The following ADGRL2 variants were observed in gnomAD, a reference collection of about 807,000 sequenced individuals.
ADGRL2 encodes the protein calcium-independent alpha-latrotoxin receptor 2.
In ADGRL2, 44 loss-of-function variants were observed where a neutral mutation model predicts 157.4. That is an observed-to-expected ratio of 0.28 (90% CI 0.22 to 0.36). The LOEUF is 0.36. Ranked by LOEUF, ADGRL2 falls within the 10% of genes least tolerant of loss-of-function variation. The pLI is 1.00. For synonymous variants in ADGRL2, 585 were observed against 624.7 expected (o/e 0.94, Z 0.95); for missense variants, 1,510 against 1,768.9 (o/e 0.85, Z 2.63).
intron 13 of ADGRL2, among the ~76,000 whole-genome samples, chr1:81,967,423 G>A (rs1037300609): frequency 2.0e-5 from 3 of 151,984 alleles, no homozygotes; most frequent in East Asian, 3.9e-4. Context: ...CACCACGCCT[G>A]GCTAATTTTT....
At chr1:81,702,086 G>C (rs1012342814) in intron 1 of ADGRL2, among the ~76,000 whole-genome samples, 5 of 152,232 alleles carry the variant, frequency 3.3e-5, no homozygotes, top group African/African-American at 1.2e-4. Context: ...ATATGTGAAA[G>C]AGTCTATTAG....
At chr1:81,756,400 T>C (rs2085691893) in intron 1 of ADGRL2, among the ~76,000 whole-genome samples, 1 of 152,086 alleles carries the variant, frequency 6.6e-6, no homozygotes, top group South Asian at 2.1e-4. Context: ...ATTGTTGCAT[T>C]GGCCACAATA....
chr1:81,412,129 C>G (rs1042551213), intron 1 of ADGRL2, among the ~76,000 whole-genome samples: 11 of 152,046 alleles, frequency 7.2e-5, no homozygotes, highest in African/African-American at 2.7e-4. Flanking sequence ...TTACTATCCC[C>G]GGTTGAAGAA....
At chr1:81,654,848 A>G (rs1161832498) in intron 3 of ADGRL2, among the ~76,000 whole-genome samples, 1 of 152,206 alleles carries the variant, frequency 6.6e-6, no homozygotes, top group Non-Finnish European at 1.5e-5. Context: ...TACCAGTGCT[A>G]TGACAAGTGA....
intron 3 of ADGRL2, among the ~76,000 whole-genome samples, chr1:81,911,313 T>C (rs921242345): frequency 5.3e-5 from 8 of 152,008 alleles, no homozygotes; most frequent in African/African-American, 1.9e-4. Flanking sequence ...TAAAGATAAT[T>C]GTTGGGGGGG....
chr1:81,437,167 G>A (rs377749566), intron 1 of ADGRL2, among the ~76,000 whole-genome samples: 3 of 152,150 alleles, frequency 2.0e-5, no homozygotes, highest in Admixed American at 2.0e-4. Context: ...CAAAATCGCT[G>A]TTGCTGCCTC....
chr1:81,631,446 A>G (rs1468121096), intron 3 of ADGRL2, among the ~76,000 whole-genome samples: 1 of 151,710 alleles, frequency 6.6e-6, no homozygotes, highest in African/African-American at 2.4e-5. Context: ...GGAACTCCTG[A>G]CCTCAAGTAA....
chr1:81,819,053 G>A (rs991082484), intron 1 of ADGRL2, among the ~76,000 whole-genome samples: 1 of 152,100 alleles, frequency 6.6e-6, no homozygotes, highest in African/African-American at 2.4e-5. Flanking sequence ...TCTCTTGTAG[G>A]CCACAAAATG....
At chr1:81,453,447 C>T (rs1357076465) in intron 2 of ADGRL2, among the ~76,000 whole-genome samples, 1 of 152,054 alleles carries the variant, frequency 6.6e-6, no homozygotes, top group African/African-American at 2.4e-5. Flanking sequence ...GATTATGAGC[C>T]TGACCTTCCA....
intron 2 of ADGRL2, among the ~76,000 whole-genome samples, chr1:81,485,455 C>G (rs2078480120): frequency 6.6e-6 from 1 of 152,042 alleles, no homozygotes; most frequent in African/African-American, 2.4e-5. Context: ...TGAAGTGTAT[C>G]TGATATTAAA....
chr1:81,727,384 T>C, intron 1 of ADGRL2, among the ~76,000 whole-genome samples: 1 of 152,196 alleles, frequency 6.6e-6, no homozygotes, highest in East Asian at 1.9e-4. Flanking sequence ...TGTATATTAG[T>C]ACTTATATTT....
At chr1:81,696,788 G>A (rs2083456051), upstream of ADGRL2, among the ~76,000 whole-genome samples, 1 of 152,028 alleles carries the variant, frequency 6.6e-6, no homozygotes, top group Admixed American at 6.6e-5. Context: ...AAAATAGAGA[G>A]GAGTTGATGT....
chr1:81,912,073 A>AT (rs1005856998), intron 3 of ADGRL2, among the ~76,000 whole-genome samples: 2 of 149,030 alleles, frequency 1.3e-5, no homozygotes, highest in Admixed American at 6.7e-5. Context: ...ATTTTTTTTT[A>AT]TTTTTTATTT....
At chr1:81,985,812 G>T (rs1300273631) in intron 21 of ADGRL2, among the ~76,000 whole-genome samples, 1 of 151,826 alleles carries the variant, frequency 6.6e-6, no homozygotes, top group Non-Finnish European at 1.5e-5. Context: ...CTTAAAATAT[G>T]CTAGGAAATG....
intron 1 of ADGRL2, among the ~76,000 whole-genome samples, chr1:81,352,862 A>G (rs1268307717): frequency 6.6e-6 from 1 of 152,188 alleles, no homozygotes; most frequent in African/African-American, 2.4e-5. Flanking sequence ...TAACTCACTG[A>G]GTCAATTAAC....
chr1:81,969,083 A>T, intron 14 of ADGRL2, 95 bp from the exon 15 acceptor site: 1 of 852,804 alleles, frequency 1.2e-6, no homozygotes, highest in Non-Finnish European at 1.9e-6. Context: ...CAAAGAGTTC[A>T]GTAGTAAAAG....
rs751828916 is a variant in ADGRL2 at position 81,979,829 on chromosome 1, CTT to C, written c.3022-38_3022-37del. 3 of 1,147,422 alleles carry C rather than the reference CTT, an allele frequency of 2.6e-6. No homozygotes were observed. In the South Asian group the frequency reaches 3.8e-5, roughly 14 times the overall value. 71.1% of individuals were successfully genotyped at this position (1,147,422 alleles called of 1,614,324 possible). ...TGCAAGAACTATTCATTTTTCAGCT[CTT>C]TGTTCATTGTGGTCTAATTCTTTAT... On this transcript the variant is annotated intron_variant, in intron 17 of 23. Coordinates refer to ENST00000686636, the MANE Select transcript of ADGRL2 (RefSeq NM_001366006.2).
intron 2 of ADGRL2, among the ~76,000 whole-genome samples, chr1:81,874,051 T>G (rs1363862493): frequency 2.0e-5 from 3 of 152,182 alleles, no homozygotes; most frequent in Non-Finnish European, 4.4e-5. Flanking sequence ...AAGAGTTTCT[T>G]AGATCTTTTC....
chr1:81,693,959 A>G (rs923227591), intron 3 of ADGRL2, among the ~76,000 whole-genome samples: 5 of 152,166 alleles, frequency 3.3e-5, no homozygotes, highest in African/African-American at 1.2e-4. Flanking sequence ...GGTGCAATGG[A>G]TATTATGGGC....
Sources: gnomAD v4.1 joint callset for allele counts (sites outside exome capture counted in the v4.1 genomes callset) on GRCh38, gnomAD v4.1.1 for gene constraint, MANE v1.5 for transcripts, NCBI Gene and HGNC (gene_info 2026-07-23, HGNC 2026-07-21) for gene names.